PCDH15: variants seen among roughly 807,000 people sequenced by gnomAD.
PCDH15 encodes the protein protocadherin related 15.
A neutral mutation model predicts 178.5 loss-of-function variants in PCDH15; 129 were observed. That is an observed-to-expected ratio of 0.72 (90% CI 0.63 to 0.84). The LOEUF (loss-of-function observed/expected upper bound fraction) is 0.84, where lower values mean the gene tolerates loss of function less well. Among genes scored for constraint, PCDH15 ranks in the 40% least tolerant of loss-of-function variants. The pLI, the probability that PCDH15 is intolerant of heterozygous loss-of-function variation, is 0.00. For synonymous variants in PCDH15, 800 were observed against 732.0 expected (o/e 1.09, Z -1.50); for missense variants, 2,230 against 2,099.9 (o/e 1.06, Z -1.21).
At chr10:54,650,973 C>CT (rs1431185288) in intron 2 of PCDH15, among the ~76,000 whole-genome samples, 1 of 152,024 alleles carries the variant, frequency 6.6e-6, no homozygotes. Context: ...AGGAACATTA[C>CT]TTAATGTTAT....
At chr10:54,215,067 A>G (rs2051863007) in intron 9 of PCDH15, among the ~76,000 whole-genome samples, 1 of 152,196 alleles carries the variant, frequency 6.6e-6, no homozygotes, top group Admixed American at 6.5e-5. Context: ...TAAGAGAAAA[A>G]TAATATAGCT....
chr10:53,817,872 T>C (rs146975091), intron 34 of PCDH15, 123 bp downstream of exon 34: 333 of 395,694 alleles, frequency 8.4e-4, no homozygotes, highest in African/African-American at 6.5e-3. Context: ...CATAACATAC[T>C]AATATGTTTT....
chr10:55,536,219 T>C (rs995428835), intron 2 of PCDH15, among the ~76,000 whole-genome samples: 2 of 152,124 alleles, frequency 1.3e-5, no homozygotes, highest in African/African-American at 4.8e-5. Flanking sequence ...TATGTGCCAC[T>C]AATCCTCTAA....
intron 33 of PCDH15, among the ~76,000 whole-genome samples, 158 bp downstream of exon 33, chr10:53,820,007 G>T (rs1338438299): frequency 6.6e-6 from 1 of 151,908 alleles, no homozygotes; most frequent in Non-Finnish European, 1.5e-5. Flanking sequence ...AGGGCTGTAG[G>T]TACCTACACA....
intron 21 of PCDH15, among the ~76,000 whole-genome samples, chr10:53,962,452 CTG>C (rs2134310454): frequency 6.6e-6 from 1 of 152,284 alleles, no homozygotes; most frequent in South Asian, 2.1e-4. Context: ...ACCATCTACA[CTG>C]TGTTGATTAC....
At chr10:53,988,370 G>A (rs1163002272) in intron 21 of PCDH15, among the ~76,000 whole-genome samples, 5 of 152,108 alleles carry the variant, frequency 3.3e-5, no homozygotes, top group Non-Finnish European at 7.4e-5. Flanking sequence ...GAGGGTGTGG[G>A]TGCCAATTTT....
At chr10:55,429,770 G>T (rs549534587) in intron 2 of PCDH15, among the ~76,000 whole-genome samples, 1 of 152,080 alleles carries the variant, frequency 6.6e-6, no homozygotes, top group East Asian at 1.9e-4. Flanking sequence ...TTAGGAACTT[G>T]GACTGTTAAC....
chr10:55,451,874 C>T (rs986056405), intron 2 of PCDH15, among the ~76,000 whole-genome samples: 2 of 152,142 alleles, frequency 1.3e-5, no homozygotes, highest in African/African-American at 4.8e-5. Flanking sequence ...AATTACACAG[C>T]TTTAGCTATA....
chr10:55,532,637 T>C (rs1234712902), intron 2 of PCDH15, among the ~76,000 whole-genome samples: 1 of 152,074 alleles, frequency 6.6e-6, no homozygotes, highest in Admixed American at 6.6e-5. Context: ...CAGCTTTGTG[T>C]TCTGGCTGCC....
intron 1 of PCDH15, among the ~76,000 whole-genome samples, chr10:54,711,799 A>C (rs1311715455): frequency 6.6e-6 from 1 of 151,940 alleles, no homozygotes; most frequent in Non-Finnish European, 1.5e-5. Context: ...GTCTTGAACA[A>C]TGCTGTAGAG....
At chr10:54,216,527 T>A (rs912400821) in intron 9 of PCDH15, among the ~76,000 whole-genome samples, 1 of 152,090 alleles carries the variant, frequency 6.6e-6, no homozygotes, top group Non-Finnish European at 1.5e-5. Context: ...TGACTCTAGA[T>A]CATAAGCAAA....
intron 1 of PCDH15, among the ~76,000 whole-genome samples, chr10:55,241,081 T>C (rs1446935793): frequency 6.6e-6 from 1 of 152,070 alleles, no homozygotes; most frequent in Non-Finnish European, 1.5e-5. Context: ...CCAGGCGTGG[T>C]GGCACACACC....
At chr10:53,858,896 T>C (rs2078927491) in intron 27 of PCDH15, among the ~76,000 whole-genome samples, 1 of 152,106 alleles carries the variant, frequency 6.6e-6, no homozygotes, top group African/African-American at 2.4e-5. Flanking sequence ...AATAGAAATA[T>C]TTTTTGTTTT....
chr10:53,935,669 A>T (rs568430008), intron 25 of PCDH15, among the ~76,000 whole-genome samples: 1 of 152,210 alleles, frequency 6.6e-6, no homozygotes, highest in African/African-American at 2.4e-5. Context: ...AAAACTAAAC[A>T]TATTTGTCAT....
chr10:54,756,056 A>ACACAC (rs1947047019), intron 1 of PCDH15, among the ~76,000 whole-genome samples: 1,007 of 71,730 alleles, frequency 0.014, 16 homozygotes, highest in African/African-American at 0.04. Context: ...CTCTACTAAA[A>ACACAC]ACACACACAC....
intron 2 of PCDH15, among the ~76,000 whole-genome samples, chr10:54,644,784 A>T (rs143630187): frequency 1.3e-5 from 2 of 152,162 alleles, no homozygotes; most frequent in African/African-American, 4.8e-5. Flanking sequence ...ATGCAACAAC[A>T]TTAAGAGGTT....
chr10:53,846,023 T>TACAC (rs71461206), intron 28 of PCDH15, among the ~76,000 whole-genome samples: 13,834 of 147,056 alleles, frequency 0.094, 1,352 homozygotes, highest in African/African-American at 0.25. Context: ...TGTATGTGTA[T>TACAC]ACACACACAC....
chr10:54,815,138 A>G (rs901310706), intron 3 of PCDH15, among the ~76,000 whole-genome samples: 1 of 141,376 alleles, frequency 7.1e-6, no homozygotes, highest in Non-Finnish European at 1.5e-5. Context: ...TTCAATAAAT[A>G]TGTTGGTTTT....
chr10:55,405,121 A>G (rs1392487620), intron 2 of PCDH15, among the ~76,000 whole-genome samples: 1 of 151,516 alleles, frequency 6.6e-6, no homozygotes, highest in Non-Finnish European at 1.5e-5. Flanking sequence ...ATAAGTCATA[A>G]AGATAGAAAA....
Sources: gnomAD v4.1 joint callset for allele counts (sites outside exome capture counted in the v4.1 genomes callset) on GRCh38, gnomAD v4.1.1 for gene constraint, MANE v1.5 for transcripts, NCBI Gene and HGNC (gene_info 2026-07-23, HGNC 2026-07-21) for gene names.